The following AKR1C2 variants were observed in gnomAD, a reference collection of about 807,000 sequenced individuals.
The protein encoded by AKR1C2 is aldo-keto reductase family 1 member C2, also known as 3-alpha-HSD3.
A neutral mutation model predicts 39.8 loss-of-function variants in AKR1C2; 27 were observed. That is an observed-to-expected ratio of 0.68 (90% CI 0.50 to 0.93). AKR1C2 has a LOEUF of 0.93. Ranked by LOEUF, AKR1C2 falls within the 40% of genes least tolerant of loss-of-function variation. The pLI, the probability that AKR1C2 is intolerant of heterozygous loss-of-function variation, is 0.00. For missense variants in AKR1C2, 263 were observed against 365.1 expected, an observed-to-expected ratio of 0.72 and a Z score of 2.28; for synonymous variants, 114 against 137.9, an observed-to-expected ratio of 0.83 and a Z score of 1.22.
At chr10:5,003,594 C>A (rs1349332124) in intron 1 of AKR1C2, among the ~76,000 whole-genome samples, 158 bp downstream of exon 1, 18 of 151,938 alleles carry the variant, frequency 1.2e-4, no homozygotes, top group Non-Finnish European at 2.6e-4. Flanking sequence ...CACAAATAAG[C>A]AGTAGATGAC....
intron 7 of AKR1C2, among the ~76,000 whole-genome samples, chr10:4,993,392 A>G (rs1836907736): frequency 6.6e-6 from 1 of 152,234 alleles, no homozygotes; most frequent in South Asian, 2.1e-4. Context: ...GTGAGCAAAT[A>G]TAAACTTTTC....
In AKR1C2 at chr10:5,003,828, G is replaced by T. The variant is rs370211227; in HGVS notation, c.8C>A (p.Ser3Ter). 6.2e-7 allele frequency: 1 copy of T among 1,614,072 alleles called. No homozygotes were observed. Among genetic ancestry groups the T allele is most frequent in the South Asian group, 1.1e-5 (1 of 91,082 alleles). ...ATTCAGCTTCACACACTGGTATTTC[G>T]AATCCATTTCTGTCACTGGCCTGGT... The part of the protein sequence containing the change: MD[S>*]KYQCVKLNDG... The change falls in exon 1 of 9, where the codon TCG (serine) becomes TAG (stop). Residue 3 changes from serine (S) to a stop codon, truncating the protein, a stop_gained. Transcript: ENST00000380753. LOFTEE classifies it high-confidence loss of function.
chr10:5,016,061 C>T (rs1837633148), intron 1 of AKR1C2, among the ~76,000 whole-genome samples: 1 of 152,152 alleles, frequency 6.6e-6, no homozygotes, highest in Non-Finnish European at 1.5e-5. Context: ...CAATCACCTC[C>T]CACCAGGCCC....
chr10:4,989,759 T>C lies in AKR1C2; in HGVS notation c.*237A>G, dbSNP rs1836770501. ...TCAGAAGGAGAGAAAACATAGAAGT[T>C]ATGGAGACCAAAGTAGGTGAAGAAT... is the stretch of plus-strand genomic sequence containing the variant. On this transcript the variant is annotated 3_prime_UTR_variant, in exon 9 of 9. Coordinates refer to ENST00000380753, the MANE Select transcript of AKR1C2 (RefSeq NM_001393392.1). The C allele has an allele frequency of 1.7e-6, 1 of 587,340 alleles. No individual in the cohort carries two copies. Among genetic ancestry groups the C allele is most frequent in the African/African-American group, 1.9e-5 (1 of 51,290 alleles). The allele number at this position is 587,340 out of a possible 1,614,324, so 36.4% of individuals were successfully genotyped here.
intron 8 of AKR1C2, 89 bp downstream of exon 8, chr10:4,991,741 TG>T (rs1377490325): frequency 4.0e-6 from 1 of 252,550 alleles, no homozygotes; most frequent in African/African-American, 2.8e-5. Flanking sequence ...CGTTGGCCTC[TG>T]TGCCCCTGGT....
chr10:5,000,686 G>T lies in AKR1C2; in HGVS notation c.253-20C>A. On this transcript the variant is annotated intron_variant, in intron 2 of 8. Coordinates refer to ENST00000380753, the MANE Select transcript of AKR1C2 (RefSeq NM_001393392.1). ...CCAAAGCTGCAGAGGTTAGAGAAACGAAGTTGTGTAATGAAAACTTGAGCC... is the reference window on the plus strand; with the variant it reads ...CCAAAGCTGCAGAGGTTAGAGAAACTAAGTTGTGTAATGAAAACTTGAGCC... The T allele has an allele frequency of 1.2e-6, 2 of 1,600,474 alleles. No homozygotes were observed. The highest frequency in any genetic ancestry group is 1.7e-6 in the Non-Finnish European group (2 of 1,174,232).
At chr10:5,005,161 T>G (rs1837372742), upstream of AKR1C2, among the ~76,000 whole-genome samples, 1 of 152,104 alleles carries the variant, frequency 6.6e-6, no homozygotes, top group South Asian at 2.1e-4. Context: ...TTCATAATAG[T>G]AAGCAATTCA....
chr10:4,998,836 C>G (rs1261656544), intron 4 of AKR1C2, 89 bp from the exon 5 acceptor site: 11 of 1,556,606 alleles, frequency 7.1e-6, no homozygotes, highest in Non-Finnish European at 9.6e-6. Context: ...CAACAACTGT[C>G]TAGACGTGAC....
At chr10:4,993,735 A>T (rs1836920247) in intron 7 of AKR1C2, among the ~76,000 whole-genome samples, 1 of 151,888 alleles carries the variant, frequency 6.6e-6, no homozygotes. Flanking sequence ...GTCTCTAAAG[A>T]ATTCATATCC....
Position 5,000,080 on chromosome 10 carries a change from C to T in AKR1C2, c.369+470G>A, listed in dbSNP as rs1255843358. 3.6e-6 allele frequency: 4 copies of T among 1,117,828 alleles called. No individual in the cohort carries two copies. In the African/African-American group the frequency reaches 6.5e-5, roughly 18 times the overall value. 69.2% of individuals were successfully genotyped at this position (1,117,828 alleles called of 1,614,324 possible). On this transcript the variant is annotated intron_variant, in intron 3 of 8. Coordinates refer to ENST00000380753, the MANE Select transcript of AKR1C2 (RefSeq NM_001393392.1). Reference sequence around the variant, plus strand: ...AGTGTGAAAAGAGAGGAAGCAGAAGCAACAAGGTTTCCCATGAAGGTTTGT... The same window carrying T: ...AGTGTGAAAAGAGAGGAAGCAGAAGTAACAAGGTTTCCCATGAAGGTTTGT...
At chr10:4,992,481 A>G (rs1443021065) in intron 7 of AKR1C2, among the ~76,000 whole-genome samples, 1 of 152,166 alleles carries the variant, frequency 6.6e-6, no homozygotes, top group African/African-American at 2.4e-5. Flanking sequence ...TAAGTGTATA[A>G]ATCCATAGGG....
In AKR1C2 at chr10:5,011,133, T is replaced by A. The variant is rs554643772; in HGVS notation, c.-88+6767A>T. On this transcript the variant is annotated intron_variant, in intron 1 of 6. Coordinates refer to the AKR1C2 transcript ENST00000604507. ...TCTAATAGGGCACTGATATCCAAAA[T>A]TTATAAGGAACTCAACCCAACAACA... is the stretch of plus-strand genomic sequence containing the variant. 2.0e-5 allele frequency among the ~76,000 whole-genome samples: 3 copies of A among 150,304 alleles called. No homozygotes were observed. The East Asian group carries it at 5.9e-4, about 29-fold the overall frequency.
rs2131681434 is a variant in AKR1C2 at position 4,995,457 on chromosome 10, C to A, written c.708G>T (p.Leu236Phe). The A allele has an allele frequency of 6.5e-7, 1 of 1,547,530 alleles. No individual in the cohort carries two copies. ...CCAAGGCACAAAGGACTGGGTCCTCCAAGAGCACCGGGGAGTTCGGGTCCA... is the reference window on the plus strand; with the variant it reads ...CCAAGGCACAAAGGACTGGGTCCTCAAAGAGCACCGGGGAGTTCGGGTCCA... ...PWVDPNSPVL[L>F]EDPVLCALAK... Residue 236 changes from leucine to phenylalanine, a missense_variant, in exon 7 of 9, where the codon TTG (leucine) becomes TTT (phenylalanine). By Grantham distance (22) the Leu-to-Phe change is conservative. This residue lies in a region of AKR1C2 where 5 missense variants were observed against 74.0 expected (regional missense o/e 0.07). Transcript: ENST00000380753.
chr10:4,990,241 T>C (rs1260263026), intron 8 of AKR1C2, among the ~76,000 whole-genome samples: 2 of 152,318 alleles, frequency 1.3e-5, no homozygotes, highest in African/African-American at 4.8e-5. Context: ...TTAATTCTAT[T>C]CCCCTGCCTG....
upstream of AKR1C2, chr10:5,003,918 A>G (rs2131710722): frequency 1.6e-6 from 2 of 1,214,086 alleles, no homozygotes; most frequent in East Asian, 2.4e-5. Context: ...CCCTGAGCAC[A>G]CTGTCTGCTG....
chr10:5,009,121 T>G (rs549394645), intron 1 of AKR1C2, among the ~76,000 whole-genome samples: 58 of 151,946 alleles, frequency 3.8e-4, no homozygotes, highest in African/African-American at 1.3e-3. Flanking sequence ...ATGGAGAAAA[T>G]TTTGGGGAAA....
At chr10:4,995,598 C>G (rs1564328335) in intron 6 of AKR1C2, 114 bp from the exon 7 acceptor site, 4 of 1,423,174 alleles carry the variant, frequency 2.8e-6, no homozygotes, top group Non-Finnish European at 3.8e-6. Flanking sequence ...GCGAGGCCCC[C>G]GAACAGCAGC....
chr10:4,992,204 A>G lies in AKR1C2; in HGVS notation c.847-291T>C, dbSNP rs570972472. On this transcript the variant is annotated intron_variant, in intron 7 of 8. Coordinates refer to ENST00000380753, the MANE Select transcript of AKR1C2 (RefSeq NM_001393392.1). ...AGAGCTTACTTTGTGCCCACATGAT[A>G]GGGCCATGTACCTAGAAGACCCACA... Among the ~76,000 whole-genome samples, 6 of 150,688 alleles carry G rather than the reference A, an allele frequency of 4.0e-5. No individual in the cohort carries two copies. In the East Asian group the frequency reaches 9.7e-4, roughly 24 times the overall value.
At chr10:4,998,990 C>T (rs1299223689) in intron 4 of AKR1C2, among the ~76,000 whole-genome samples, 3 of 152,068 alleles carry the variant, frequency 2.0e-5, no homozygotes, top group Non-Finnish European at 4.4e-5. Flanking sequence ...GAAAGAAATC[C>T]CAGTCCTCCT....
Sources: gnomAD v4.1 joint callset for allele counts (sites outside exome capture counted in the v4.1 genomes callset) on GRCh38, gnomAD v4.1.1 for gene constraint, gnomAD v4.1.1 regional missense constraint, MANE v1.5 for transcripts, NCBI Gene and HGNC (gene_info 2026-07-23, HGNC 2026-07-21) for gene names.